CD8B2: variants seen among roughly 807,000 people sequenced by gnomAD.
The protein encoded by CD8B2 is T-cell surface glycoprotein CD8 beta-2 chain.
Under a neutral mutation model 23.7 loss-of-function variants are expected in CD8B2, and 11 were observed. The ratio of observed to expected loss-of-function variants is 0.46; its 90% CI spans 0.29 to 0.77. The LOEUF (loss-of-function observed/expected upper bound fraction) is 0.77, where lower values mean the gene tolerates loss of function less well. Among genes scored for constraint, CD8B2 ranks in the 30% least tolerant of loss-of-function variants. The pLI is 0.09. For missense variants in CD8B2, 197 were observed against 270.5 expected (o/e 0.73, Z 1.91); for synonymous variants, 90 against 109.3 (o/e 0.82, Z 1.10).
intron 1 of CD8B2, among the ~76,000 whole-genome samples, chr2:106,490,069 C>T (rs189824068): frequency 2.6e-4 from 40 of 152,036 alleles, no homozygotes; most frequent in African/African-American, 8.9e-4. Context: ...TTGCTGGGCT[C>T]GGGGGTCATG....
chr2:106,496,706 T>C (rs1046890616), intron 3 of CD8B2, among the ~76,000 whole-genome samples: 1 of 151,858 alleles, frequency 6.6e-6, no homozygotes, highest in African/African-American at 2.4e-5. Context: ...ATATCCAGCA[T>C]ATGATCCTCT....
At chr2:106,497,499 C>T (rs1261210151) in intron 3 of CD8B2, among the ~76,000 whole-genome samples, 1 of 152,194 alleles carries the variant, frequency 6.6e-6, no homozygotes, top group African/African-American at 2.4e-5. Flanking sequence ...ATACTGACCT[C>T]AGCCCAGCAA....
At chr2:106,495,198 A>G (rs1372438273) in intron 2 of CD8B2, among the ~76,000 whole-genome samples, 1 of 152,086 alleles carries the variant, frequency 6.6e-6, no homozygotes, top group Admixed American at 6.5e-5. Context: ...AGGCACAGAA[A>G]AATGCTATGA....
In CD8B2 at chr2:106,504,794, A is replaced by T. The variant is rs553167589; in HGVS notation, c.620+469A>T. Among the ~76,000 whole-genome samples, 59 of 152,246 alleles carry T rather than the reference A, an allele frequency of 3.9e-4. 1 individual carries two copies. The highest frequency in any genetic ancestry group is 1.3e-3 in the African/African-American group (54 of 41,532). On this transcript the variant is annotated intron_variant, in intron 5 of 5. Coordinates refer to ENST00000643224, the MANE Select transcript of CD8B2 (RefSeq NM_001349727.2). ...CATCCGTTATTTCATCCCACCTATT[A>T]TTTCATCCCCTTGGTTCTGTGTGAG...
intron 5 of CD8B2, among the ~76,000 whole-genome samples, chr2:106,527,153 C>T (rs1679918210): frequency 6.6e-6 from 1 of 152,140 alleles, no homozygotes; most frequent in Non-Finnish European, 1.5e-5. Context: ...AACTGCTGGA[C>T]TATTCTCTAA....
intron 3 of CD8B2, among the ~76,000 whole-genome samples, chr2:106,498,427 C>T (rs1679340260): frequency 1.3e-5 from 2 of 152,140 alleles, no homozygotes; most frequent in Admixed American, 6.5e-5. Flanking sequence ...GGATTACAGG[C>T]GTGAGCCACT....
At chr2:106,529,076 C>T (rs1316786807) in intron 5 of CD8B2, among the ~76,000 whole-genome samples, 2 of 152,138 alleles carry the variant, frequency 1.3e-5, no homozygotes, top group African/African-American at 4.8e-5. Context: ...GCAGCAGCTC[C>T]CTTGGAAATC....
At position 106,502,530 on chromosome 2, in the gene CD8B2, C is replaced by G. The variant is rs1171767684; in HGVS notation, c.550C>G (p.Leu184Val). 1 of 1,582,242 alleles carries G rather than the reference C, an allele frequency of 6.3e-7. No homozygotes were observed. Among genetic ancestry groups the G allele is most frequent in the Non-Finnish European group, 8.6e-7 (1 of 1,163,312 alleles). The change falls in exon 4 of 6, where the codon CTG becomes GTG. Residue 184 changes from leucine to valine, a missense_variant. Transcript: ENST00000643224. The stretch of plus-strand genomic sequence containing the variant: ...GCTGGTGGCTGGCGTCCTGGTTCTG[C>G]TGGTTTCCCTGGGAGTGGCCATGCA... ...GLLVAGVLVLLVSLGVAMHLC... is the reference protein window; with the variant it reads ...GLLVAGVLVLVVSLGVAMHLC...
At position 106,510,213 on chromosome 2, in the gene CD8B2, T is replaced by A. The variant is rs1679597051; in HGVS notation, c.*3273T>A. On this transcript the variant is annotated 3_prime_UTR_variant, in exon 6 of 6. Coordinates refer to ENST00000643224, the MANE Select transcript of CD8B2 (RefSeq NM_001349727.2). ...ACAGTTACCCTTGGTCCAGTGATGG[T>A]CATTAGGAGGGAGCATGAGGTTTGA... is the stretch of plus-strand genomic sequence containing the variant. 1 of 152,208 alleles carries A rather than the reference T, an allele frequency of 6.6e-6. No individual in the cohort carries two copies. Among genetic ancestry groups the A allele is most frequent in the South Asian group, 2.1e-4 (1 of 4,826 alleles). The allele number at this position is 152,208 out of a possible 1,614,324, so 9.4% of individuals were successfully genotyped here. A position where few individuals can be genotyped will look rare whatever the true frequency, so the allele number is the denominator to read the frequency against.
At chr2:106,526,224 AAG>A (rs1679904292) in intron 5 of CD8B2, among the ~76,000 whole-genome samples, 1 of 150,764 alleles carries the variant, frequency 6.6e-6, no homozygotes, top group South Asian at 2.1e-4. Context: ...CAGCCTGGGA[AAG>A]AGAGCGAGAC....
chr2:106,520,793 C>T (rs903921901), intron 5 of CD8B2, among the ~76,000 whole-genome samples: 1 of 152,044 alleles, frequency 6.6e-6, no homozygotes, highest in African/African-American at 2.4e-5. Context: ...TCGCTGGAAC[C>T]TGGGAGGTGG....
intron 5 of CD8B2, among the ~76,000 whole-genome samples, chr2:106,535,532 A>T (rs1346881661): frequency 6.6e-6 from 1 of 152,120 alleles, no homozygotes; most frequent in Non-Finnish European, 1.5e-5. Context: ...ACAGTAAGGC[A>T]AGTTTATAAA....
intron 4 of CD8B2, among the ~76,000 whole-genome samples, chr2:106,503,401 C>T (rs1256949657): frequency 6.6e-6 from 1 of 152,040 alleles, no homozygotes; most frequent in Non-Finnish European, 1.5e-5. Context: ...CAGGAGCATA[C>T]TTTTGCCTAC....
rs1679594757 is a variant in CD8B2, at chr2:106,510,099, A to G, written c.*3159A>G. On this transcript the variant is annotated 3_prime_UTR_variant, in exon 6 of 6. Coordinates refer to ENST00000643224, the MANE Select transcript of CD8B2 (RefSeq NM_001349727.2). ...AACATCTGTATAGATTATTCTTAAT[A>G]CAATATATGGCGCAATACGTAGTCA... The G allele has an allele frequency of 6.6e-6, 1 of 152,226 alleles. No homozygotes were observed. The highest frequency in any genetic ancestry group is 1.5e-5 in the Non-Finnish European group (1 of 68,026). 9.4% of individuals were successfully genotyped at this position (152,226 alleles called of 1,614,324 possible).
At chr2:106,529,917 G>C (rs892343044) in intron 5 of CD8B2, among the ~76,000 whole-genome samples, 26 of 152,236 alleles carry the variant, frequency 1.7e-4, no homozygotes, top group African/African-American at 5.5e-4. Flanking sequence ...AGGTGTAGCA[G>C]TCAAAGTTAG....
chr2:106,531,983 A>G (rs67055891), intron 5 of CD8B2, among the ~76,000 whole-genome samples: 28,794 of 152,208 alleles, frequency 0.19, 3,270 homozygotes, highest in East Asian at 0.56. Flanking sequence ...CTAGGTCTGC[A>G]TCCGCCATCC....
At chr2:106,526,389 C>T (rs4676222) in intron 5 of CD8B2, among the ~76,000 whole-genome samples, 126,140 of 152,190 alleles carry the variant, frequency 0.83, 53,174 homozygotes, top group East Asian at 1. Context: ...AAATGAAATC[C>T]CATACTTGTT....
At chr2:106,536,098 A>C (rs1680084868) in intron 5 of CD8B2, among the ~76,000 whole-genome samples, 1 of 149,386 alleles carries the variant, frequency 6.7e-6, no homozygotes, top group South Asian at 2.1e-4. Flanking sequence ...GCAAGGGTGC[A>C]ATCTCAGCTC....
At chr2:106,506,847 C>G in intron 5 of CD8B2, 81 bp from the exon 6 acceptor site, 1 of 1,602,078 alleles carries the variant, frequency 6.2e-7, no homozygotes, top group Non-Finnish European at 8.5e-7. Flanking sequence ...TGCATTCTCA[C>G]TTGCCATTTG....
Sources: gnomAD v4.1 joint callset for allele counts (sites outside exome capture counted in the v4.1 genomes callset) on GRCh38, gnomAD v4.1.1 for gene constraint, MANE v1.5 for transcripts, NCBI Gene and HGNC (gene_info 2026-07-23, HGNC 2026-07-21) for gene names.